The following KSR2 variants were observed in gnomAD, a reference collection of about 807,000 sequenced individuals.
KSR2 encodes the protein kinase suppressor of ras 2.
Under a neutral mutation model 107.8 loss-of-function variants are expected in KSR2, and 25 were observed. The observed-to-expected ratio is 0.23, with a 90% CI of 0.17 to 0.32. The LOEUF is 0.32. Among genes scored for constraint, KSR2 ranks in the 10% least tolerant of loss-of-function variants. KSR2 has a pLI of 1.00. For synonymous variants in KSR2, 480 were observed against 507.0 expected, an observed-to-expected ratio of 0.95 and a Z score of 0.71; for missense variants, 887 against 1,268.9, an observed-to-expected ratio of 0.70 and a Z score of 4.57.
At position 117,460,906 on chromosome 12, in the gene KSR2, G is replaced by T; in HGVS notation, c.*6293C>A. 1 of 152,330 alleles carries T rather than the reference G, an allele frequency of 6.6e-6. No homozygotes were observed. Among genetic ancestry groups the T allele is most frequent in the Non-Finnish European group, 1.5e-5 (1 of 68,066 alleles). 9.4% of individuals were successfully genotyped at this position (152,330 alleles called of 1,614,324 possible). On this transcript the variant is annotated 3_prime_UTR_variant, in exon 20 of 20. Transcript: ENST00000339824. ...GCTCTGTGAATGAGGGCTGTTCAGGGTGGATTGTTACTCTGCCTCCTAGAC... is the reference window on the plus strand; with the variant it reads ...GCTCTGTGAATGAGGGCTGTTCAGGTTGGATTGTTACTCTGCCTCCTAGAC...
chr12:117,589,028 G>T (rs1246769828), intron 5 of KSR2, among the ~76,000 whole-genome samples: 1 of 152,200 alleles, frequency 6.6e-6, no homozygotes, highest in African/African-American at 2.4e-5. Flanking sequence ...TAACTAAATT[G>T]TTCAAAGTCA....
intron 16 of KSR2, 110 bp downstream of exon 16, chr12:117,484,306 A>G: frequency 7.8e-7 from 1 of 1,279,178 alleles, no homozygotes. Flanking sequence ...TCAGCTCAGC[A>G]ACCTCAGGAC....
intron 5 of KSR2, among the ~76,000 whole-genome samples, chr12:117,645,248 A>G (rs557859561): frequency 9.2e-5 from 14 of 152,324 alleles, no homozygotes; most frequent in African/African-American, 3.4e-4. Flanking sequence ...TGCTGATGAC[A>G]CTGAGCTCCT....
chr12:117,948,445 G>A lies in KSR2; in HGVS notation c.180+19631C>T, dbSNP rs868659266. On this transcript the variant is annotated intron_variant, in intron 1 of 19. Coordinates refer to ENST00000339824, the MANE Select transcript of KSR2 (RefSeq NM_173598.6). The stretch of plus-strand genomic sequence containing the variant: ...GCAGAGGTTGCAGTGAGCCCAGATC[G>A]CGCCATTGCACTCCAGGCAGGGTGA... Among the ~76,000 whole-genome samples the A allele has an allele frequency of 3.4e-4, 51 of 151,030 alleles. No homozygotes were observed. The Middle Eastern group carries it at 0.017, about 50-fold the overall frequency.
intron 5 of KSR2, among the ~76,000 whole-genome samples, chr12:117,610,619 G>A (rs1881539475): frequency 6.6e-6 from 1 of 151,646 alleles, no homozygotes; most frequent in African/African-American, 2.4e-5. Context: ...ATGTGCCTGT[G>A]TCCCAGCTAC....
intron 10 of KSR2, among the ~76,000 whole-genome samples, chr12:117,532,128 A>G: frequency 1.3e-5 from 2 of 152,246 alleles, no homozygotes; most frequent in Non-Finnish European, 2.9e-5. Context: ...ATTTTCTGCA[A>G]CGAGCATCGT....
In KSR2 at chr12:117,529,372, C is replaced by T. The variant is rs144642332; in HGVS notation, c.1802+1569G>A. 5.3e-5 allele frequency among the ~76,000 whole-genome samples: 8 copies of T among 152,268 alleles called. No individual in the cohort carries two copies. The East Asian group carries it at 1.2e-3, about 22-fold the overall frequency. On this transcript the variant is annotated intron_variant, in intron 12 of 19. Transcript: ENST00000339824. Reference sequence around the variant, plus strand: ...CTGCGATTACAGTTGTGTGCCACCACGCCTGACTAATGTTTGTATTTTTAA... The same window carrying T: ...CTGCGATTACAGTTGTGTGCCACCATGCCTGACTAATGTTTGTATTTTTAA...
chr12:117,635,869 G>A (rs1490399710), intron 5 of KSR2, among the ~76,000 whole-genome samples: 3 of 150,112 alleles, frequency 2.0e-5, no homozygotes, highest in South Asian at 2.1e-4. Flanking sequence ...TCAGCTCACC[G>A]CAACCTCCAC....
intron 5 of KSR2, among the ~76,000 whole-genome samples, chr12:117,663,227 C>T (rs1286212958): frequency 5.9e-5 from 9 of 152,176 alleles, no homozygotes; most frequent in Admixed American, 4.6e-4. Context: ...ATTTCACAAC[C>T]GAGCACTGCA....
rs377391407 is a variant in KSR2, at chr12:117,816,379, T to C, written c.472+39049A>G. 1.1e-4 allele frequency among the ~76,000 whole-genome samples: 16 copies of C among 152,142 alleles called. No individual in the cohort carries two copies. The East Asian group carries it at 1.7e-3, about 17-fold the overall frequency. On this transcript the variant is annotated intron_variant, in intron 3 of 19. Coordinates refer to ENST00000339824, the MANE Select transcript of KSR2 (RefSeq NM_173598.6). ...TTTAGATGATTGCAGCACCCAGCTA[T>C]CATGGTGCAGAGACAAACTATCCCC...
intron 4 of KSR2, among the ~76,000 whole-genome samples, chr12:117,738,426 C>CA (rs1339770718): frequency 1.3e-5 from 2 of 152,236 alleles, no homozygotes; most frequent in African/African-American, 4.8e-5. Context: ...ACTATCCCCC[C>CA]AGGCTGTGTG....
chr12:117,635,293 C>T (rs377142030), intron 5 of KSR2, among the ~76,000 whole-genome samples: 1 of 152,092 alleles, frequency 6.6e-6, no homozygotes, highest in Non-Finnish European at 1.5e-5. Context: ...ATATTTTAAA[C>T]AACAAAGGGA....
intron 4 of KSR2, among the ~76,000 whole-genome samples, chr12:117,742,406 C>T (rs1487674376): frequency 6.6e-6 from 1 of 152,120 alleles, no homozygotes; most frequent in African/African-American, 2.4e-5. Context: ...GAGAATGCTC[C>T]TGATTTTAGA....
intron 14 of KSR2, among the ~76,000 whole-genome samples, chr12:117,511,427 AAAG>A (rs1317759887): frequency 6.6e-6 from 1 of 152,202 alleles, no homozygotes; most frequent in East Asian, 1.9e-4. Flanking sequence ...ATAACCAAAC[AAAG>A]ATTTTATGCA....
At chr12:117,809,567 C>A (rs1264827577) in intron 3 of KSR2, among the ~76,000 whole-genome samples, 5 of 152,198 alleles carry the variant, frequency 3.3e-5, no homozygotes, top group Non-Finnish European at 7.3e-5. Context: ...ACTAAAATAA[C>A]CCCCTTGCCT....
rs1055852030 is a variant in KSR2 at position 117,758,820 on chromosome 12, G to A, written c.986+2191C>T. The stretch of plus-strand genomic sequence containing the variant: ...AGAGTCGGCTTTCTGATCAAGTTTC[G>A]CCTTACTAAGTGGTGCACCCTGGGA... On this transcript the variant is annotated intron_variant, in intron 4 of 19. Transcript: ENST00000339824. Among the ~76,000 whole-genome samples the A allele has an allele frequency of 5.9e-5, 9 of 152,020 alleles. No individual in the cohort carries two copies. In the East Asian group the frequency reaches 1.4e-3, roughly 23 times the overall value.
chr12:117,611,245 G>A (rs1395142652), intron 5 of KSR2, among the ~76,000 whole-genome samples: 1 of 152,078 alleles, frequency 6.6e-6, no homozygotes, highest in Non-Finnish European at 1.5e-5. Flanking sequence ...GTTGTGAGAT[G>A]AACTCTGGGA....
chr12:117,789,624 G>A (rs141365294), intron 3 of KSR2, among the ~76,000 whole-genome samples: 1 of 152,128 alleles, frequency 6.6e-6, no homozygotes, highest in Non-Finnish European at 1.5e-5. Flanking sequence ...TTCTTAATAT[G>A]ACTCTTCCTG....
chr12:117,721,835 G>A (rs1469091265), intron 4 of KSR2, among the ~76,000 whole-genome samples: 1 of 152,178 alleles, frequency 6.6e-6, no homozygotes, highest in Admixed American at 6.5e-5. Flanking sequence ...GGGAGGTGGG[G>A]CAGTTCTTAG....
Sources: allele counts gnomAD v4.1 joint callset (sites outside exome capture counted in the v4.1 genomes callset), GRCh38; gene constraint gnomAD v4.1.1; transcripts MANE v1.5; gene names NCBI Gene and HGNC (gene_info 2026-07-23, HGNC 2026-07-21).